The following CTC1 variants were observed in gnomAD, a reference collection of about 807,000 sequenced individuals.
CTC1 encodes CST telomere replication complex component 1.
A neutral mutation model predicts 136.3 loss-of-function variants in CTC1; 91 were observed. That is an observed-to-expected ratio of 0.67 (90% CI 0.56 to 0.79). CTC1 has a LOEUF of 0.79. Ranked by LOEUF, CTC1 falls within the 30% of genes least tolerant of loss-of-function variation. The pLI is 0.00. For synonymous variants in CTC1, 606 were observed against 613.8 expected, an observed-to-expected ratio of 0.99 and a Z score of 0.19; for missense variants, 1,432 against 1,498.1, an observed-to-expected ratio of 0.96 and a Z score of 0.73.
rs8076031 is a variant in CTC1 at position 8,247,086 on chromosome 17, G to T, written c.33+918C>A. On this transcript the variant is annotated intron_variant, in intron 1 of 22. Transcript: ENST00000651323. ...TCGGCTCACTGCAACCTCCACTTCC[G>T]TGGTTCCCTGCTCAGCTTCCTGAGC... Among the ~76,000 whole-genome samples the T allele has an allele frequency of 2.2e-4, 33 of 150,504 alleles. 1 individual carries two copies. The highest frequency in any genetic ancestry group is 7.8e-4 in the African/African-American group (32 of 40,970).
chr17:8,229,832 C>T (rs1236731014), intron 18 of CTC1, 59 bp downstream of exon 18: 2 of 1,378,278 alleles, frequency 1.5e-6, no homozygotes, highest in Non-Finnish European at 2.1e-6. Flanking sequence ...GAACCAGGGA[C>T]ATGTGGGAGA....
At position 8,231,745 on chromosome 17, in the gene CTC1, A is replaced by C; in HGVS notation, c.2456T>G (p.Leu819Arg). 1 of 1,614,172 alleles carries C rather than the reference A, an allele frequency of 6.2e-7. No homozygotes were observed. The highest frequency in any genetic ancestry group is 8.5e-7 in the Non-Finnish European group (1 of 1,179,990). ...EFLHPGQVYR[L>R]IAPGPATPML... The stretch of plus-strand genomic sequence containing the variant: ...ACTCACAGCGGGGCCAGGAGCTATG[A>C]GTCGGTACACCTGTCCCGGGTGCAA... The change falls in exon 14 of 23, where the codon CTC (leucine) becomes CGC (arginine). Residue 819 changes from leucine (L) to arginine (R), a missense_variant. Physicochemically the swap from Leu to Arg is moderately radical, Grantham distance 102. Transcript: ENST00000651323.
Position 8,235,156 on chromosome 17 carries a change from G to A in CTC1, c.1336C>T (p.Gln446Ter). The A allele has an allele frequency of 6.2e-7, 1 of 1,614,182 alleles. No individual in the cohort carries two copies. The highest frequency in any genetic ancestry group is 1.1e-5 in the South Asian group (1 of 91,082). Residue 446 changes from glutamine (Q) to a stop codon, truncating the protein, a stop_gained, in exon 8 of 23, where the codon CAA (glutamine) becomes TAA (stop). Transcript: ENST00000651323. LOFTEE classifies it high-confidence loss of function. ...RQKPGAHSSR[Q>*]AYGASLYEQL... ...TCGTACAGGGAGGCCCCGTAGGCTT[G>A]ACGGGATGAGTGAGCCCCAGGCTTC...
chr17:8,243,471 A>T (rs1248597232), intron 1 of CTC1, among the ~76,000 whole-genome samples: 1 of 151,628 alleles, frequency 6.6e-6, no homozygotes, highest in Non-Finnish European at 1.5e-5. Flanking sequence ...GTGAGCCAAG[A>T]TCGAGCCATT....
chr17:8,244,806 C>A (rs973321963), intron 1 of CTC1, among the ~76,000 whole-genome samples: 10 of 152,306 alleles, frequency 6.6e-5, no homozygotes, highest in Non-Finnish European at 1.3e-4. Flanking sequence ...GGATTACACA[C>A]GTGAGCCACC....
In CTC1 at chr17:8,227,138, A is replaced by G. The variant is rs974655494; in HGVS notation, c.*1042T>C. The stretch of plus-strand genomic sequence containing the variant: ...ATAAAAGCAGCATAAATCCCAACAT[A>G]TGGGTTTAACCACGCTCTAAAGGTC... On this transcript the variant is annotated 3_prime_UTR_variant, in exon 23 of 23. Transcript: ENST00000651323. The G allele has an allele frequency of 1.2e-4, 19 of 152,164 alleles. No homozygotes were observed. The highest frequency in any genetic ancestry group is 3.6e-4 in the African/African-American group (15 of 41,432). The allele number at this position is 152,164 out of a possible 1,614,324, so 9.4% of individuals were successfully genotyped here.
At chr17:8,237,634 C>T in intron 4 of CTC1, 115 bp from the exon 5 acceptor site, 1 of 439,620 alleles carries the variant, frequency 2.3e-6, no homozygotes, top group South Asian at 3.1e-5. Flanking sequence ...CATTGGACTC[C>T]AGCCTGGGCA....
In CTC1 at chr17:8,235,824, C is replaced by G. The variant is rs949969553; in HGVS notation, c.1206+7G>C. On this transcript the variant is annotated splice_region_variant and intron_variant, in intron 7 of 22. Coordinates refer to ENST00000651323, the MANE Select transcript of CTC1 (RefSeq NM_025099.6). ...CTCTTTTTGTTATCAGCCCTGATCT[C>G]ACATACCTGCAGACACACTCCAGGT... The G allele has an allele frequency of 1.3e-6, 2 of 1,599,530 alleles. No homozygotes were observed. The highest frequency in any genetic ancestry group is 1.7e-6 in the Non-Finnish European group (2 of 1,169,890).
rs1158073985 is a variant in CTC1 at position 8,227,127 on chromosome 17, A to C, written c.*1053T>G. 1.3e-5 allele frequency: 2 copies of C among 152,150 alleles called. No individual in the cohort carries two copies. Among genetic ancestry groups the C allele is most frequent in the Non-Finnish European group, 2.9e-5 (2 of 68,016 alleles). 9.4% of individuals were successfully genotyped at this position (152,150 alleles called of 1,614,324 possible). A position where few individuals can be genotyped will look rare whatever the true frequency, so the allele number is the denominator to read the frequency against. On this transcript the variant is annotated 3_prime_UTR_variant, in exon 23 of 23. Transcript: ENST00000651323. ...GTATTGCTACCATAAAAGCAGCATA[A>C]ATCCCAACATATGGGTTTAACCACG...
At position 8,228,492 on chromosome 17, in the gene CTC1, T is replaced by A. The variant is rs1190253224; in HGVS notation, c.3514+11A>T. On this transcript the variant is annotated intron_variant, in intron 22 of 22. Coordinates refer to ENST00000651323, the MANE Select transcript of CTC1 (RefSeq NM_025099.6). The stretch of plus-strand genomic sequence containing the variant: ...CCCCTATCATCATGATCCCCCCGTC[T>A]CCAACCTTACCTAATGGGACGATCT... 1.2e-6 allele frequency: 2 copies of A among 1,614,028 alleles called. No homozygotes were observed. The highest frequency in any genetic ancestry group is 1.7e-6 in the Non-Finnish European group (2 of 1,180,008).
At position 8,231,464 on chromosome 17, in the gene CTC1, T is replaced by G; in HGVS notation, c.2481A>C (p.Pro827=). 1 of 1,605,700 alleles carries G rather than the reference T, an allele frequency of 6.2e-7. No individual in the cohort carries two copies. The highest frequency in any genetic ancestry group is 8.5e-7 in the Non-Finnish European group (1 of 1,175,740). Residue 827 remains proline (P), a synonymous_variant, in exon 15 of 23, where the codon CCA becomes CCC. Coordinates refer to ENST00000651323, the MANE Select transcript of CTC1 (RefSeq NM_025099.6). ...ATGAACCATCCTTTTCAAACAACAT[T>G]GGTGTCTGCACGGAAATGGGAAGAC... ...YRLIAPGPAT[P]MLFEKDGSSC... is the part of the protein sequence containing the mutation.
chr17:8,226,259 G>A lies in CTC1; in HGVS notation c.*1921C>T, dbSNP rs1233088413. On this transcript the variant is annotated 3_prime_UTR_variant, in exon 23 of 23. Coordinates refer to ENST00000651323, the MANE Select transcript of CTC1 (RefSeq NM_025099.6). The stretch of plus-strand genomic sequence containing the variant: ...AAGGCACCGCTGGGATTCGAACCCA[G>A]GATCTCCTGTTTACTAGACAGGCGC... 3 of 152,280 alleles carry A rather than the reference G, an allele frequency of 2.0e-5. No individual in the cohort carries two copies. The highest frequency in any genetic ancestry group is 4.8e-5 in the African/African-American group (2 of 41,432). The allele number at this position is 152,280 out of a possible 1,614,324, so 9.4% of individuals were successfully genotyped here. A position where few individuals can be genotyped will look rare whatever the true frequency, so the allele number is the denominator to read the frequency against.
chr17:8,235,796 G>A (rs1283190133), intron 7 of CTC1, 35 bp downstream of exon 7: 3 of 1,558,912 alleles, frequency 1.9e-6, no homozygotes, highest in South Asian at 2.3e-5. Flanking sequence ...AAGCTGCAGA[G>A]GTCTCTTTTT....
rs901762196 is a variant in CTC1 at position 8,226,295 on chromosome 17, T to C, written c.*1885A>G. 9 of 152,240 alleles carry C rather than the reference T, an allele frequency of 5.9e-5. No individual in the cohort carries two copies. Among genetic ancestry groups the C allele is most frequent in the Admixed American group, 3.3e-4 (5 of 15,280 alleles). The allele number at this position is 152,240 out of a possible 1,614,324, so 9.4% of individuals were successfully genotyped here. On this transcript the variant is annotated 3_prime_UTR_variant, in exon 23 of 23. Transcript: ENST00000651323. ...TTACTAGACAGGCGCTTTAACCAAC[T>C]AAGCCACGGCGCCGAAGCTGCCATA...
chr17:8,237,448 TTA>T lies in CTC1; in HGVS notation c.717_718del (p.Ser239ArgfsTer12). On this transcript the variant is annotated frameshift_variant, in exon 5 of 23. Transcript: ENST00000651323. LOFTEE classifies it high-confidence loss of function. ...AGACAGGATGAAGTAAGCTTTCTGT[TTA>T]CTTTTCACCAGAGCACTCAATCGAA... is the stretch of plus-strand genomic sequence containing the variant. 2 of 1,613,882 alleles carry T rather than the reference TTA, an allele frequency of 1.2e-6. No homozygotes were observed. The highest frequency in any genetic ancestry group is 1.7e-6 in the Non-Finnish European group (2 of 1,179,940).
At chr17:8,247,650 A>G in intron 1 of CTC1, 1 of 217,084 alleles carries the variant, frequency 4.6e-6, no homozygotes, top group Non-Finnish European at 9.4e-6. Flanking sequence ...TTCGGGTCTC[A>G]GACGCTTTTA....
chr17:8,246,988 ATTT>A (rs1312052940), intron 1 of CTC1, among the ~76,000 whole-genome samples: 1 of 142,076 alleles, frequency 7.0e-6, no homozygotes, highest in East Asian at 2.1e-4. Context: ...TTATTTATTT[ATTT>A]ATTTATTTAT....
At chr17:8,230,069 T>C in intron 17 of CTC1, 101 bp from the exon 18 acceptor site, 3 of 1,165,084 alleles carry the variant, frequency 2.6e-6, no homozygotes, top group Non-Finnish European at 3.8e-6. Context: ...CCACTCCCCC[T>C]GAGGGACATA....
chr17:8,237,451 CT>C lies in CTC1; in HGVS notation c.715del (p.Ser239ValfsTer45). On this transcript the variant is annotated frameshift_variant, in exon 5 of 23. Transcript: ENST00000651323. LOFTEE classifies it high-confidence loss of function. ...SLVRLSALVK[S>X]KQKAYFILSL... ...CAGGATGAAGTAAGCTTTCTGTTTA[CT>C]TTTCACCAGAGCACTCAATCGAACT... The C allele has an allele frequency of 1.9e-6, 3 of 1,613,950 alleles. No individual in the cohort carries two copies. In the South Asian group the frequency reaches 3.3e-5, roughly 18 times the overall value.
Sources: allele counts gnomAD v4.1 joint callset (sites outside exome capture counted in the v4.1 genomes callset), GRCh38; gene constraint gnomAD v4.1.1; transcripts MANE v1.5; gene names NCBI Gene and HGNC (gene_info 2026-07-23, HGNC 2026-07-21).